SCRG1: variants seen among roughly 807,000 people sequenced by gnomAD.
SCRG1 encodes the protein scrapie-responsive protein 1.
Under a neutral mutation model 7.7 loss-of-function variants are expected in SCRG1, and 3 were observed. The ratio of observed to expected loss-of-function variants is 0.39; its 90% CI spans 0.18 to 1.01. The LOEUF is 1.01. Ranked by LOEUF, SCRG1 falls within the 50% of genes least tolerant of loss-of-function variation. The pLI, the probability that SCRG1 is intolerant of heterozygous loss-of-function variation, is 0.36. For missense variants in SCRG1, 110 were observed against 117.2 expected (o/e 0.94, Z 0.28); for synonymous variants, 46 against 41.2 (o/e 1.12, Z -0.44).
the SCRG1 span, among the ~76,000 whole-genome samples, chr4:173,503,006 G>T: frequency 1.3e-5 from 2 of 152,190 alleles, no homozygotes; most frequent in African/African-American, 4.8e-5. The surrounding 1 kb of genome is among the most constrained non-coding windows in gnomAD (Gnocchi z 6.4). Flanking sequence ...TGCTCTGAGA[G>T]CACCTAGCAC....
At chr4:173,428,215 G>A in the SCRG1 span, among the ~76,000 whole-genome samples, 1 of 152,126 alleles carries the variant, frequency 6.6e-6, no homozygotes, top group African/African-American at 2.4e-5. Context: ...GACAGAAAGG[G>A]AATCACAATT....
the SCRG1 span, among the ~76,000 whole-genome samples, chr4:173,451,068 G>A: frequency 6.6e-6 from 1 of 152,066 alleles, no homozygotes; most frequent in East Asian, 1.9e-4. Context: ...CATAATTTTT[G>A]AAGTCGTTTC....
upstream of SCRG1, among the ~76,000 whole-genome samples, chr4:173,410,062 A>G (rs1343526195): frequency 6.6e-6 from 1 of 152,204 alleles, no homozygotes; most frequent in Non-Finnish European, 1.5e-5. Context: ...AGACCTGGGG[A>G]AGGGATCTCC....
chr4:173,442,855 G>C, the SCRG1 span, among the ~76,000 whole-genome samples: 1 of 152,146 alleles, frequency 6.6e-6, no homozygotes, highest in Admixed American at 6.5e-5. Context: ...CTACTCATGA[G>C]GTCAGGGTCC....
the SCRG1 span, among the ~76,000 whole-genome samples, chr4:173,439,359 T>C: frequency 3.2e-3 from 491 of 152,136 alleles, 3 homozygotes; most frequent in African/African-American, 0.011. Context: ...AGACTCTGTC[T>C]CTACAAATTT....
the SCRG1 span, among the ~76,000 whole-genome samples, chr4:173,436,452 C>T: frequency 2.0e-5 from 3 of 152,132 alleles, no homozygotes; most frequent in Non-Finnish European, 4.4e-5. Context: ...TTGTTCTGTC[C>T]CTCTCTTACC....
chr4:173,471,943 A>G, the SCRG1 span, among the ~76,000 whole-genome samples: 7 of 152,180 alleles, frequency 4.6e-5, no homozygotes, highest in Non-Finnish European at 8.8e-5. Flanking sequence ...TCCTGACCTC[A>G]GGTGATCTGC....
chr4:173,428,144 G>A, the SCRG1 span, among the ~76,000 whole-genome samples: 9 of 152,110 alleles, frequency 5.9e-5, no homozygotes, highest in African/African-American at 1.7e-4. Flanking sequence ...GAATGTGTCC[G>A]GATTGACTGA....
the SCRG1 span, among the ~76,000 whole-genome samples, chr4:173,501,244 G>A: frequency 6.6e-6 from 1 of 152,240 alleles, no homozygotes; most frequent in East Asian, 1.9e-4. This position sits in a 1 kb window ranked among gnomAD's most constrained non-coding sequence, Gnocchi z 5.1. Context: ...TGGTGAAGGA[G>A]ATTGGCGCCA....
chr4:173,501,823 A>T, the SCRG1 span, among the ~76,000 whole-genome samples: 1,668 of 152,252 alleles, frequency 0.011, 38 homozygotes, highest in African/African-American at 0.038. This position sits in a 1 kb window ranked among gnomAD's most constrained non-coding sequence, Gnocchi z 5.1. Flanking sequence ...AATGAACTGG[A>T]TACACACAGG....
At chr4:173,431,235 G>A in the SCRG1 span, among the ~76,000 whole-genome samples, 1 of 152,196 alleles carries the variant, frequency 6.6e-6, no homozygotes, top group Non-Finnish European at 1.5e-5. Context: ...ACTTCCTGTG[G>A]CATAGGCTGG....
the SCRG1 span, among the ~76,000 whole-genome samples, chr4:173,416,911 A>ACAC: frequency 3.2e-5 from 4 of 125,150 alleles, no homozygotes; most frequent in African/African-American, 6.5e-5. Flanking sequence ...CACACACCCA[A>ACAC]ACACACACAC....
At chr4:173,495,040 G>A in the SCRG1 span, among the ~76,000 whole-genome samples, 4 of 152,152 alleles carry the variant, frequency 2.6e-5, no homozygotes, top group African/African-American at 9.7e-5. Flanking sequence ...ATAAAGCCCC[G>A]GAGCCCCCGT....
At chr4:173,421,561 A>T in the SCRG1 span, among the ~76,000 whole-genome samples, 1 of 152,216 alleles carries the variant, frequency 6.6e-6, no homozygotes, top group Non-Finnish European at 1.5e-5. Flanking sequence ...ATGGAGAGCT[A>T]GGACGAGGGG....
At chr4:173,435,102 A>G in the SCRG1 span, among the ~76,000 whole-genome samples, 3 of 147,296 alleles carry the variant, frequency 2.0e-5, no homozygotes, top group Admixed American at 6.9e-5. Context: ...TTTTAATTAT[A>G]AATGCATATA....
chr4:173,447,582 A>AAACT, the SCRG1 span, among the ~76,000 whole-genome samples: 2 of 152,248 alleles, frequency 1.3e-5, no homozygotes, highest in African/African-American at 4.8e-5. Context: ...AAGGCTTAAC[A>AAACT]AACTACCACA....
the SCRG1 span, among the ~76,000 whole-genome samples, chr4:173,452,532 A>G: frequency 1.8e-4 from 28 of 152,216 alleles, no homozygotes; most frequent in African/African-American, 6.8e-4. Flanking sequence ...CATTCTTTTT[A>G]CAAACGGAAA....
the SCRG1 span, among the ~76,000 whole-genome samples, chr4:173,439,956 C>G: frequency 3.3e-5 from 5 of 152,198 alleles, no homozygotes; most frequent in African/African-American, 1.2e-4. Flanking sequence ...CTAAATCCAA[C>G]TAGTCAACTT....
chr4:173,408,059 T>C (rs1234939790), upstream of SCRG1, among the ~76,000 whole-genome samples: 1 of 152,242 alleles, frequency 6.6e-6, no homozygotes, highest in East Asian at 1.9e-4. Flanking sequence ...TTTATGTGTA[T>C]ACATATCAGA....
Sources: gnomAD v4.1 joint callset for allele counts (sites outside exome capture counted in the v4.1 genomes callset) on GRCh38, gnomAD v4.1.1 for gene constraint, Gnocchi (gnomAD v3.1) non-coding constraint, MANE v1.5 for transcripts, NCBI Gene and HGNC (gene_info 2026-07-23, HGNC 2026-07-21) for gene names.